RAI14: variants seen among roughly 807,000 people sequenced by gnomAD.
The protein encoded by RAI14 is retinoic acid induced 14, also known as ankycorbin.
RAI14 carries 45 observed loss-of-function variants against 115.4 expected under a neutral mutation model. The ratio of observed to expected loss-of-function variants is 0.39; its 90% CI spans 0.31 to 0.50. The LOEUF is 0.50. RAI14 is among the 20% of genes least tolerant of loss of function. The probability of loss-of-function intolerance (pLI) is 0.85; values close to 1 mark genes in which losing one functional copy is unlikely to be tolerated. For synonymous variants in RAI14, 371 were observed against 415.4 expected, an observed-to-expected ratio of 0.89 and a Z score of 1.30; for missense variants, 939 against 1,131.2, an observed-to-expected ratio of 0.83 and a Z score of 2.44.
chr5:34,749,567 G>C (rs1746727383), intron 2 of RAI14, among the ~76,000 whole-genome samples: 1 of 152,200 alleles, frequency 6.6e-6, no homozygotes, highest in Non-Finnish European at 1.5e-5. Context: ...ATTCTAGATG[G>C]AGGCAGGCAA....
In RAI14 at chr5:34,811,800, C is replaced by T; in HGVS notation, c.591C>T (p.Ser197=). 6 of 1,613,308 alleles carry T rather than the reference C, an allele frequency of 3.7e-6. No individual in the cohort carries two copies. Among genetic ancestry groups the T allele is most frequent in the Non-Finnish European group, 5.1e-6 (6 of 1,179,846 alleles). ...TCATGCTGGCCTGTGAGATTGGCAGCTCTAACGCTGTGGAAGCCTTAATTA... is the reference window on the plus strand; with the variant it reads ...TCATGCTGGCCTGTGAGATTGGCAGTTCTAACGCTGTGGAAGCCTTAATTA... ...TALMLACEIG[S]SNAVEALIKK... Residue 197 remains serine, a synonymous_variant, in exon 9 of 18, where the codon AGC becomes AGT. Coordinates refer to ENST00000265109, the MANE Select transcript of RAI14 (RefSeq NM_015577.3).
At chr5:34,703,384 A>G (rs569618684) in intron 2 of RAI14, among the ~76,000 whole-genome samples, 1 of 152,346 alleles carries the variant, frequency 6.6e-6, no homozygotes, top group African/African-American at 2.4e-5. Flanking sequence ...TGTTGAGTAT[A>G]TTTTGGGTAT....
chr5:34,718,563 C>T (rs1295049364), intron 2 of RAI14, among the ~76,000 whole-genome samples: 1 of 152,180 alleles, frequency 6.6e-6, no homozygotes, highest in East Asian at 1.9e-4. Flanking sequence ...TTTTCTCGTC[C>T]CCACCAAACT....
intron 2 of RAI14, among the ~76,000 whole-genome samples, chr5:34,744,803 T>A (rs1745955081): frequency 6.6e-6 from 1 of 152,234 alleles, no homozygotes; most frequent in Admixed American, 6.5e-5. Flanking sequence ...CAGAAATGTA[T>A]TCTCTCAACA....
At chr5:34,685,214 C>T (rs1015505232) in intron 1 of RAI14, 12 of 136,194 alleles carry the variant, frequency 8.8e-5, no homozygotes, top group African/African-American at 2.0e-4. Context: ...AGACCCCATT[C>T]GCCACAAAAA....
At chr5:34,829,907 T>C in intron 17 of RAI14, 110 bp downstream of exon 17, 2 of 894,866 alleles carry the variant, frequency 2.2e-6, no homozygotes, top group Non-Finnish European at 3.4e-6. Context: ...TAGAGGAGAA[T>C]CCTTTTCACT....
chr5:34,800,557 A>G (rs945327243), intron 4 of RAI14, among the ~76,000 whole-genome samples: 2 of 152,186 alleles, frequency 1.3e-5, no homozygotes, highest in Non-Finnish European at 2.9e-5. Flanking sequence ...GCAATGAGAG[A>G]CATCTTACTT....
intron 2 of RAI14, among the ~76,000 whole-genome samples, chr5:34,754,089 G>GAA (rs34435679): frequency 1.1e-4 from 16 of 148,590 alleles, no homozygotes; most frequent in East Asian, 4.1e-4. Context: ...TCAAAAGAAA[G>GAA]AAAAAAAAAA....
At chr5:34,700,455 G>A (rs938806845) in intron 2 of RAI14, among the ~76,000 whole-genome samples, 3 of 152,172 alleles carry the variant, frequency 2.0e-5, no homozygotes, top group African/African-American at 7.2e-5. Flanking sequence ...GGACACAGTA[G>A]GACATGTGGG....
intron 2 of RAI14, among the ~76,000 whole-genome samples, chr5:34,750,330 G>T (rs1746812989): frequency 1.3e-5 from 2 of 152,114 alleles, no homozygotes; most frequent in Non-Finnish European, 2.9e-5. Context: ...CTGGGTGGGG[G>T]TAGATATTTA....
chr5:34,747,005 C>T (rs975977279), intron 2 of RAI14, among the ~76,000 whole-genome samples: 177 of 152,150 alleles, frequency 1.2e-3, no homozygotes, highest in Non-Finnish European at 2.1e-3. Flanking sequence ...TAAGAAGTGC[C>T]TTTTGCCTCC....
intron 2 of RAI14, among the ~76,000 whole-genome samples, chr5:34,732,949 T>C (rs1447347640): frequency 6.6e-6 from 1 of 152,078 alleles, no homozygotes; most frequent in African/African-American, 2.4e-5. Flanking sequence ...CTATCCTCAC[T>C]CTGTCCTGAG....
intron 3 of RAI14, among the ~76,000 whole-genome samples, chr5:34,761,743 C>T (rs2150105795): frequency 6.6e-6 from 1 of 152,264 alleles, no homozygotes. Context: ...TTTGACTTTT[C>T]TTCTCTTTGA....
In RAI14 at chr5:34,827,702, G is replaced by T. The variant is rs1757589863; in HGVS notation, c.2799+1223G>T. Among the ~76,000 whole-genome samples the T allele has an allele frequency of 6.6e-6, 1 of 152,148 alleles. No homozygotes were observed. Among genetic ancestry groups the T allele is most frequent in the East Asian group, 1.9e-4 (1 of 5,194 alleles). Reference sequence around the variant, plus strand: ...AGGTCATTCTTCTCCTGATAAAATGGTATTACAGACTTGTAGATAAAGTGC... The same window carrying T: ...AGGTCATTCTTCTCCTGATAAAATGTTATTACAGACTTGTAGATAAAGTGC... On this transcript the variant is annotated intron_variant, in intron 16 of 17. Transcript: ENST00000265109. The surrounding 1 kb of genome is among the most constrained non-coding windows in gnomAD (Gnocchi z 4.2).
chr5:34,754,402 T>C (rs971668656), intron 2 of RAI14, among the ~76,000 whole-genome samples: 7 of 152,170 alleles, frequency 4.6e-5, no homozygotes, highest in African/African-American at 1.4e-4. Context: ...AAACTCTTCT[T>C]AAAATTTTTT....
chr5:34,820,502 CT>C (rs1456460489), intron 13 of RAI14, among the ~76,000 whole-genome samples: 1 of 152,168 alleles, frequency 6.6e-6, no homozygotes, highest in East Asian at 1.9e-4. Flanking sequence ...GTCCCAGCTA[CT>C]TGGGAAGCTG....
intron 10 of RAI14, 148 bp from the exon 11 acceptor site, chr5:34,813,426 T>C (rs1755834095): frequency 3.6e-6 from 2 of 553,652 alleles, no homozygotes; most frequent in Non-Finnish European, 6.4e-6. Context: ...ATTATTTATT[T>C]TTATGTTGGT....
chr5:34,664,082 A>T (rs1241130184), intron 1 of RAI14, among the ~76,000 whole-genome samples: 1 of 152,220 alleles, frequency 6.6e-6, no homozygotes, highest in Non-Finnish European at 1.5e-5. Context: ...CTTCTAAATA[A>T]GCAGAATCTA....
rs561383232 is a variant in RAI14, at chr5:34,813,574, C to T, written c.766C>T (p.His256Tyr). The T allele has an allele frequency of 8.1e-6, 13 of 1,610,984 alleles. No individual in the cohort carries two copies. Among genetic ancestry groups the T allele is most frequent in the African/African-American group, 5.3e-5 (4 of 74,950 alleles). Reference sequence around the variant, plus strand: ...TTCTTTGGACTGTGATAACTTTCAGCATGACCAAGTCTCTAAAATAAGCTC... The same window carrying T: ...TTCTTTGGACTGTGATAACTTTCAGTATGACCAAGTCTCTAAAATAAGCTC... The part of the protein sequence containing the change: ...DLKTPTKPKQ[H>Y]DQVSKISSER... Residue 256 changes from histidine to tyrosine, a missense_variant and splice_region_variant, in exon 11 of 18, where the codon CAT (histidine) becomes TAT (tyrosine). His to Tyr is a moderately conservative substitution (Grantham distance 83). Coordinates refer to ENST00000265109, the MANE Select transcript of RAI14 (RefSeq NM_015577.3).
Sources: allele counts gnomAD v4.1 joint callset (sites outside exome capture counted in the v4.1 genomes callset), GRCh38; gene constraint gnomAD v4.1.1; non-coding constraint Gnocchi (gnomAD v3.1); transcripts MANE v1.5; gene names NCBI Gene and HGNC (gene_info 2026-07-23, HGNC 2026-07-21).